The following CSMD3 variants were observed in gnomAD, a reference collection of about 807,000 sequenced individuals.
The protein encoded by CSMD3 is CUB and sushi domain-containing protein 3.
A neutral mutation model predicts 435.2 loss-of-function variants in CSMD3; 177 were observed. That is an observed-to-expected ratio of 0.41 (90% CI 0.36 to 0.46). The LOEUF is 0.46. CSMD3 is among the 20% of genes least tolerant of loss of function. The pLI is 0.34. For synonymous variants in CSMD3, 1,656 were observed against 1,520.5 expected (o/e 1.09, Z -2.07); for missense variants, 4,265 against 4,504.6 (o/e 0.95, Z 1.52).
rs1933342559 is a variant in CSMD3 at position 112,598,394 on chromosome 8, C to A, written c.3716-11159G>T. On this transcript the variant is annotated intron_variant, in intron 22 of 70. Coordinates refer to ENST00000297405, the MANE Select transcript of CSMD3 (RefSeq NM_198123.2). The stretch of plus-strand genomic sequence containing the variant: ...GGATACAAACAAATGGAAGAACATT[C>A]CATGCTCATGGATAGGAAGAATCAA... Among the ~76,000 whole-genome samples the A allele has an allele frequency of 6.6e-5, 10 of 151,004 alleles. No homozygotes were observed. The South Asian group carries it at 2.1e-3, about 32-fold the overall frequency.
At chr8:112,746,014 T>A (rs928149956) in intron 13 of CSMD3, among the ~76,000 whole-genome samples, 2 of 152,180 alleles carry the variant, frequency 1.3e-5, no homozygotes, top group Admixed American at 6.5e-5. Context: ...TGACAGTTAT[T>A]CCCACAAACT....
intron 12 of CSMD3, among the ~76,000 whole-genome samples, chr8:112,807,488 A>ATAGG (rs34951713): frequency 0.012 from 1,559 of 129,246 alleles, 10 homozygotes; most frequent in Middle Eastern, 0.021. Flanking sequence ...GCAATTCTTG[A>ATAGG]TAGGTAGGTA....
chr8:112,229,971 A>G (rs1461868865), intron 69 of CSMD3, among the ~76,000 whole-genome samples: 2 of 152,140 alleles, frequency 1.3e-5, no homozygotes, highest in East Asian at 3.9e-4. Context: ...AGATTTCATA[A>G]TGAAAATTAG....
rs150612081 is a variant in CSMD3, at chr8:112,371,746, G to A, written c.6136+8606C>T. 5.6e-3 allele frequency among the ~76,000 whole-genome samples: 858 copies of A among 151,868 alleles called. 10 individuals carry two copies. The highest frequency in any genetic ancestry group is 0.019 in the African/African-American group (805 of 41,382). On this transcript the variant is annotated intron_variant, in intron 38 of 70. Transcript: ENST00000297405. ...CTACTAAAAATACAAAAATTAGCCG[G>A]GCATGGTGGTGCATGCCTGTAATCC...
Position 112,987,747 on chromosome 8 carries a change from C to G in CSMD3, c.1031-11599G>C, listed in dbSNP as rs530700322. ...CTTATGTTTTATTTTCACTATATTTCTTTTCCATCACCTCCTTTCTCAACA... is the reference window on the plus strand; with the variant it reads ...CTTATGTTTTATTTTCACTATATTTGTTTTCCATCACCTCCTTTCTCAACA... On this transcript the variant is annotated intron_variant, in intron 6 of 70. Transcript: ENST00000297405. 2.0e-5 allele frequency among the ~76,000 whole-genome samples: 3 copies of G among 152,184 alleles called. No homozygotes were observed. In the East Asian group the frequency reaches 5.8e-4, roughly 30 times the overall value.
At chr8:112,992,125 AAAG>A (rs751968080) in intron 6 of CSMD3, among the ~76,000 whole-genome samples, 5 of 151,892 alleles carry the variant, frequency 3.3e-5, no homozygotes, top group African/African-American at 4.8e-5. Flanking sequence ...TTATGAGAAT[AAAG>A]AATTTAATTG....
intron 27 of CSMD3, among the ~76,000 whole-genome samples, chr8:112,521,217 A>G (rs1213562875): frequency 6.6e-6 from 1 of 151,978 alleles, no homozygotes; most frequent in South Asian, 2.1e-4. Context: ...CTGCTTTCCC[A>G]TTTCTCTGCT....
chr8:112,466,405 T>A (rs1281317684), intron 32 of CSMD3, among the ~76,000 whole-genome samples: 1 of 151,956 alleles, frequency 6.6e-6, no homozygotes, highest in Non-Finnish European at 1.5e-5. Flanking sequence ...GCTGAATTGT[T>A]AAAAAAAACT....
At chr8:112,889,561 T>C (rs1205330987) in intron 10 of CSMD3, among the ~76,000 whole-genome samples, 3 of 151,684 alleles carry the variant, frequency 2.0e-5, no homozygotes, top group Non-Finnish European at 4.4e-5. Flanking sequence ...GTCTTTTGTC[T>C]TCTTGCAATT....
intron 66 of CSMD3, among the ~76,000 whole-genome samples, chr8:112,240,296 T>C (rs1407227951): frequency 6.6e-6 from 1 of 152,088 alleles, no homozygotes; most frequent in Non-Finnish European, 1.5e-5. Context: ...TTTTACAGAT[T>C]TGATGTGCTG....
chr8:112,650,282 A>C lies in CSMD3; in HGVS notation c.3072T>G (p.His1024Gln). The C allele has an allele frequency of 6.2e-7, 1 of 1,613,982 alleles. No individual in the cohort carries two copies. The highest frequency in any genetic ancestry group is 8.5e-7 in the Non-Finnish European group (1 of 1,179,886). ...GIPVHGRRYG[H>Q]DFSIGSTVSF... ...AAACAGTAGAGCCAATGGAGAAATC[A>C]TGACCATAGCGACGGCCATGTACAG... is the stretch of plus-strand genomic sequence containing the variant. Residue 1024 changes from histidine to glutamine, a missense_variant, in exon 19 of 71, where the codon CAT (histidine) becomes CAG (glutamine). Coordinates refer to ENST00000297405, the MANE Select transcript of CSMD3 (RefSeq NM_198123.2).
intron 20 of CSMD3, among the ~76,000 whole-genome samples, chr8:112,644,395 T>C (rs1586875561): frequency 6.6e-6 from 1 of 152,026 alleles, no homozygotes; most frequent in Non-Finnish European, 1.5e-5. Flanking sequence ...AATTGTTTGT[T>C]ATAGATTCCT....
At chr8:112,278,147 A>G (rs149390698) in intron 59 of CSMD3, among the ~76,000 whole-genome samples, 2 of 152,276 alleles carry the variant, frequency 1.3e-5, no homozygotes, top group Middle Eastern at 3.4e-3. Context: ...GCTCTTTCTT[A>G]GGCAACCACA....
At chr8:112,593,856 T>C (rs2077968154) in intron 22 of CSMD3, among the ~76,000 whole-genome samples, 1 of 152,198 alleles carries the variant, frequency 6.6e-6, no homozygotes, top group Non-Finnish European at 1.5e-5. Context: ...ACTATAATAT[T>C]GTCTGTAAAG....
At chr8:113,364,308 G>GA (rs2094297405) in intron 1 of CSMD3, among the ~76,000 whole-genome samples, 1 of 151,810 alleles carries the variant, frequency 6.6e-6, no homozygotes, top group African/African-American at 2.4e-5. Flanking sequence ...CAGGAACAGG[G>GA]ATGGATGTAA....
At chr8:113,186,474 G>T (rs2092503649) in intron 3 of CSMD3, among the ~76,000 whole-genome samples, 1 of 151,944 alleles carries the variant, frequency 6.6e-6, no homozygotes, top group Non-Finnish European at 1.5e-5. Context: ...TATAAACCAA[G>T]CAACCCTTTG....
chr8:112,277,675 G>T (rs1271893795), intron 59 of CSMD3, among the ~76,000 whole-genome samples: 1 of 152,080 alleles, frequency 6.6e-6, no homozygotes, highest in South Asian at 2.1e-4. Context: ...ACCCAAGACT[G>T]GGTAATTTAT....
At chr8:112,291,407 G>A (rs1819749207) in intron 56 of CSMD3, 103 bp downstream of exon 56, 1 of 832,576 alleles carries the variant, frequency 1.2e-6, no homozygotes, top group Non-Finnish European at 2.0e-6. Flanking sequence ...AAATCAATAT[G>A]CTTCTCTGTG....
At chr8:113,421,967 C>A (rs1029124985) in intron 1 of CSMD3, among the ~76,000 whole-genome samples, 7 of 152,132 alleles carry the variant, frequency 4.6e-5, no homozygotes, top group Admixed American at 4.6e-4. Context: ...TATTTTACAG[C>A]AAAGTTCTGT....
Sources: allele counts gnomAD v4.1 joint callset (sites outside exome capture counted in the v4.1 genomes callset), GRCh38; gene constraint gnomAD v4.1.1; transcripts MANE v1.5; gene names NCBI Gene and HGNC (gene_info 2026-07-23, HGNC 2026-07-21).